Variants in IQSEC1 observed in about 807,000 individuals in gnomAD.
IQSEC1 encodes the protein IQ motif and Sec7 domain ArfGEF 1, also known as IQ motif and SEC7 domain-containing protein 1.
Under a neutral mutation model 91.0 loss-of-function variants are expected in IQSEC1, and 31 were observed. The ratio of observed to expected loss-of-function variants is 0.34; its 90% CI spans 0.26 to 0.46. The LOEUF is 0.46. Among genes scored for constraint, IQSEC1 ranks in the 20% least tolerant of loss-of-function variants. IQSEC1 has a pLI of 1.00. For synonymous variants in IQSEC1, 699 were observed against 662.6 expected (o/e 1.05, Z -0.84); for missense variants, 1,388 against 1,575.6 (o/e 0.88, Z 2.02).
chr3:13,173,348 G>C (rs1693654373), intron 1 of IQSEC1, among the ~76,000 whole-genome samples: 2 of 152,206 alleles, frequency 1.3e-5, no homozygotes, highest in South Asian at 2.1e-4. Context: ...TGTCCCCAGA[G>C]ACCCAGCTGG....
intron 1 of IQSEC1, among the ~76,000 whole-genome samples, chr3:13,252,650 T>G (rs1280067543): frequency 6.6e-6 from 1 of 152,178 alleles, no homozygotes; most frequent in Non-Finnish European, 1.5e-5. Context: ...ACCATTTACA[T>G]TCCCACCAGC....
At chr3:13,266,540 C>G (rs1695492675) in intron 1 of IQSEC1, among the ~76,000 whole-genome samples, 2 of 151,636 alleles carry the variant, frequency 1.3e-5, no homozygotes, top group Non-Finnish European at 2.9e-5. Context: ...ACAGCGTGCA[C>G]AGAGCAGCAG....
rs1453745393 is a variant in IQSEC1, at chr3:12,899,660, C to T, written c.*1323G>A. Reference sequence around the variant, plus strand: ...GGTGAGGACACAGGGGTTCTGCTAGCACATGGCTACATGGAATTACGGTGA... The same window carrying T: ...GGTGAGGACACAGGGGTTCTGCTAGTACATGGCTACATGGAATTACGGTGA... On this transcript the variant is annotated 3_prime_UTR_variant, in exon 14 of 14. Transcript: ENST00000613206. 1 of 985,394 alleles carries T rather than the reference C, an allele frequency of 1.0e-6. No homozygotes were observed. The highest frequency in any genetic ancestry group is 4.7e-5 in the South Asian group (1 of 21,286). The allele number at this position is 985,394 out of a possible 1,614,324, so 61.0% of individuals were successfully genotyped here.
At chr3:13,176,982 T>G (rs1693742652) in intron 1 of IQSEC1, among the ~76,000 whole-genome samples, 2 of 152,176 alleles carry the variant, frequency 1.3e-5, no homozygotes, top group East Asian at 3.9e-4. Flanking sequence ...TCCATTGACA[T>G]GAAATGTCCC....
At chr3:13,212,488 A>C (rs750007539) in intron 1 of IQSEC1, among the ~76,000 whole-genome samples, 2 of 152,172 alleles carry the variant, frequency 1.3e-5, no homozygotes, top group Non-Finnish European at 2.9e-5. Flanking sequence ...CAAACATTTA[A>C]GGATGAATTC....
chr3:13,070,606 T>G (rs1380859820), intron 1 of IQSEC1, among the ~76,000 whole-genome samples: 5 of 152,232 alleles, frequency 3.3e-5, no homozygotes, highest in Middle Eastern at 3.4e-3. Context: ...CAGGGTAACC[T>G]CAGGAAAGGC....
At chr3:13,055,070 G>A (rs1399631989) in intron 1 of IQSEC1, among the ~76,000 whole-genome samples, 1 of 152,248 alleles carries the variant, frequency 6.6e-6, no homozygotes, top group Non-Finnish European at 1.5e-5. Context: ...TTCCTGTCCT[G>A]GCTCTGGGCC....
chr3:13,124,992 ATCC>A (rs1706489744), intron 2 of IQSEC1, among the ~76,000 whole-genome samples: 1 of 152,146 alleles, frequency 6.6e-6, no homozygotes. Flanking sequence ...AGGGATCTCC[ATCC>A]TCCTTCTCCA....
At chr3:12,914,875 C>T (rs1445456220) in intron 8 of IQSEC1, among the ~76,000 whole-genome samples, 6 of 152,026 alleles carry the variant, frequency 3.9e-5, no homozygotes, top group Non-Finnish European at 5.9e-5. Context: ...CTGGGCTCAA[C>T]AGGGCGTCAA....
chr3:12,900,119 T>TAACAGCATTATA lies in IQSEC1; in HGVS notation c.*852_*863dup. ...AGTTTAGCTATTTGCTTACCTGAAA[T>TAACAGCATTATA]AACAGCATTATAATACTATTTATGA... On this transcript the variant is annotated 3_prime_UTR_variant, in exon 14 of 14. Coordinates refer to ENST00000613206, the MANE Select transcript of IQSEC1 (RefSeq NM_001134382.3). 1.0e-6 allele frequency: 1 copy of TAACAGCATTATA among 975,844 alleles called. No homozygotes were observed. Among genetic ancestry groups the TAACAGCATTATA allele is most frequent in the Non-Finnish European group, 1.2e-6 (1 of 821,280 alleles). The allele number at this position is 975,844 out of a possible 1,614,324, so 60.4% of individuals were successfully genotyped here.
chr3:13,087,335 T>A (rs1308524007), intron 2 of IQSEC1, among the ~76,000 whole-genome samples: 1 of 152,170 alleles, frequency 6.6e-6, no homozygotes, highest in Non-Finnish European at 1.5e-5. Flanking sequence ...CAAGAAAGAA[T>A]AACTCAGAGA....
At chr3:13,237,353 G>C (rs778024017) in intron 1 of IQSEC1, among the ~76,000 whole-genome samples, 1 of 152,162 alleles carries the variant, frequency 6.6e-6, no homozygotes, top group Non-Finnish European at 1.5e-5. Flanking sequence ...AGGGCCTCCC[G>C]TTTGCACAAA....
At chr3:12,954,898 C>T (rs1393421331) in intron 1 of IQSEC1, among the ~76,000 whole-genome samples, 3 of 152,214 alleles carry the variant, frequency 2.0e-5, no homozygotes, top group Non-Finnish European at 4.4e-5. Flanking sequence ...CGGGGCAGAA[C>T]GGGTCCTCAG....
chr3:13,199,394 C>T (rs541439607), intron 1 of IQSEC1, among the ~76,000 whole-genome samples: 1 of 152,216 alleles, frequency 6.6e-6, no homozygotes, highest in Admixed American at 6.5e-5. Flanking sequence ...TCCTAGGGCA[C>T]CCCCTGGGAC....
intron 1 of IQSEC1, among the ~76,000 whole-genome samples, chr3:13,164,421 C>T (rs1693436445): frequency 6.6e-6 from 1 of 152,156 alleles, no homozygotes; most frequent in African/African-American, 2.4e-5. Flanking sequence ...TTTGAATACA[C>T]CCCAGGAGTC....
At chr3:13,205,776 C>T (rs534912722) in intron 1 of IQSEC1, among the ~76,000 whole-genome samples, 1 of 150,296 alleles carries the variant, frequency 6.7e-6, no homozygotes, top group Non-Finnish European at 1.5e-5. Flanking sequence ...ATCCATCCCT[C>T]AATCCACTCA....
At chr3:13,102,402 GC>G (rs1706080905) in intron 2 of IQSEC1, among the ~76,000 whole-genome samples, 1 of 152,100 alleles carries the variant, frequency 6.6e-6, no homozygotes, top group Non-Finnish European at 1.5e-5. Flanking sequence ...TGTTGGGGCT[GC>G]CGGGGTTGGT....
chr3:13,206,315 G>A (rs1263577283), intron 1 of IQSEC1, among the ~76,000 whole-genome samples: 1 of 152,188 alleles, frequency 6.6e-6, no homozygotes, highest in Non-Finnish European at 1.5e-5. Context: ...TGGATAAGGT[G>A]GGGTGGGGGG....
At chr3:13,263,211 C>T (rs1360927973) in intron 1 of IQSEC1, among the ~76,000 whole-genome samples, 2 of 151,944 alleles carry the variant, frequency 1.3e-5, no homozygotes, top group Admixed American at 6.6e-5. Context: ...ATCACACCAC[C>T]GCACTTCAGC....
Sources: gnomAD v4.1 joint callset for allele counts (sites outside exome capture counted in the v4.1 genomes callset) on GRCh38, gnomAD v4.1.1 for gene constraint, MANE v1.5 for transcripts, NCBI Gene and HGNC (gene_info 2026-07-23, HGNC 2026-07-21) for gene names.